The following SATB2 variants were observed in gnomAD, a reference collection of about 807,000 sequenced individuals.
The protein encoded by SATB2 is SATB homeobox 2.
Under a neutral mutation model 73.4 loss-of-function variants are expected in SATB2, and 1 was observed. That is an observed-to-expected ratio of 0.01 (90% confidence interval 0.00 to 0.06). The LOEUF is 0.06. Ranked by LOEUF, SATB2 falls within the 10% of genes least tolerant of loss-of-function variation. The probability of loss-of-function intolerance (pLI) is 1.00; values close to 1 mark genes in which losing one functional copy is unlikely to be tolerated. For synonymous variants in SATB2, 397 were observed against 367.0 expected, an observed-to-expected ratio of 1.08 and a Z score of -0.93; for missense variants, 459 against 945.8, an observed-to-expected ratio of 0.49 and a Z score of 6.75.
intron 2 of SATB2, among the ~76,000 whole-genome samples, chr2:199,436,889 T>C (rs376251847): frequency 6.8e-6 from 1 of 146,922 alleles, no homozygotes; most frequent in Non-Finnish European, 1.5e-5. Context: ...TAACAACTCG[T>C]CCCAGGCAAA....
At position 199,464,683 on chromosome 2, in the gene SATB2, C is replaced by T. The variant is rs946487747; in HGVS notation, c.-141+153G>A. On this transcript the variant is annotated intron_variant, in intron 1 of 11. Transcript: ENST00000260926. The surrounding 1 kb of genome is among the most constrained non-coding windows in gnomAD (Gnocchi z 6.6). Reference sequence around the variant, plus strand: ...GCCAGGCAGCGGGCCGGCTGAGCTCCTGCGCCCCGCGGTCGCGTGGCCTAC... The same window carrying T: ...GCCAGGCAGCGGGCCGGCTGAGCTCTTGCGCCCCGCGGTCGCGTGGCCTAC... Among the ~76,000 whole-genome samples, 2 of 152,186 alleles carry T rather than the reference C, an allele frequency of 1.3e-5. No individual in the cohort carries two copies. The highest frequency in any genetic ancestry group is 4.8e-5 in the African/African-American group (2 of 41,464).
At chr2:199,346,298 C>T (rs1018275948) in intron 7 of SATB2, among the ~76,000 whole-genome samples, 2 of 151,816 alleles carry the variant, frequency 1.3e-5, no homozygotes, top group Non-Finnish European at 2.9e-5. Flanking sequence ...TACAGGCACA[C>T]GCCACCACGC....
intron 5 of SATB2, among the ~76,000 whole-genome samples, chr2:199,379,069 C>T (rs759082155): frequency 6.6e-6 from 1 of 152,146 alleles, no homozygotes; most frequent in African/African-American, 2.4e-5. Context: ...CAGCTCACAC[C>T]AGGAAACAGA....
chr2:199,400,276 G>C (rs1690432133), intron 3 of SATB2, among the ~76,000 whole-genome samples: 1 of 152,162 alleles, frequency 6.6e-6, no homozygotes, highest in Admixed American at 6.5e-5. Flanking sequence ...CTCTAGCACT[G>C]AACTTAGCAC....
At chr2:199,448,147 C>T (rs926113132) in intron 2 of SATB2, among the ~76,000 whole-genome samples, 1 of 152,106 alleles carries the variant, frequency 6.6e-6, no homozygotes, top group East Asian at 1.9e-4. Context: ...TTCAAAAATG[C>T]TATTGCTATT....
At chr2:199,416,343 C>G (rs1459137404) in intron 3 of SATB2, among the ~76,000 whole-genome samples, 1 of 152,156 alleles carries the variant, frequency 6.6e-6, no homozygotes, top group African/African-American at 2.4e-5. Flanking sequence ...GTACACCACA[C>G]AATTTTTGAT....
chr2:199,341,698 C>A (rs182446415), intron 7 of SATB2, among the ~76,000 whole-genome samples: 1 of 152,268 alleles, frequency 6.6e-6, no homozygotes, highest in African/African-American at 2.4e-5. Context: ...CAACATATGG[C>A]TTTTGACTTG....
intron 6 of SATB2, among the ~76,000 whole-genome samples, chr2:199,355,593 C>A (rs1688958545): frequency 6.6e-6 from 1 of 151,852 alleles, no homozygotes; most frequent in African/African-American, 2.4e-5. Context: ...GAAAGAAAAG[C>A]AAACTGAAAT....
intron 10 of SATB2, among the ~76,000 whole-genome samples, chr2:199,295,034 G>C (rs1029450996): frequency 6.6e-6 from 1 of 152,080 alleles, no homozygotes; most frequent in Non-Finnish European, 1.5e-5. Context: ...ACAAATTATG[G>C]ACTCATTATG....
chr2:199,396,148 C>T (rs1169871024), intron 3 of SATB2: 1 of 152,166 alleles, frequency 6.6e-6, no homozygotes, highest in East Asian at 1.9e-4. Flanking sequence ...GCAGATAGGG[C>T]CCAATTTGTC....
chr2:199,350,740 A>C (rs1688790684), intron 6 of SATB2, among the ~76,000 whole-genome samples: 1 of 152,092 alleles, frequency 6.6e-6, no homozygotes, highest in South Asian at 2.1e-4. Flanking sequence ...AAACTCAGTT[A>C]AGCTGGGCAT....
At chr2:199,354,553 T>A (rs999482688) in intron 6 of SATB2, among the ~76,000 whole-genome samples, 7 of 152,102 alleles carry the variant, frequency 4.6e-5, no homozygotes, top group Non-Finnish European at 8.8e-5. Flanking sequence ...TAAGAAACCG[T>A]CAAGGCAAGG....
chr2:199,435,197 GA>G (rs1161578809), intron 2 of SATB2, among the ~76,000 whole-genome samples: 3 of 152,028 alleles, frequency 2.0e-5, no homozygotes, highest in Non-Finnish European at 4.4e-5. Flanking sequence ...TGATTTTTTA[GA>G]CAAAGAAGAA....
intron 3 of SATB2, among the ~76,000 whole-genome samples, chr2:199,430,510 G>C (rs1202537334): frequency 2.0e-5 from 3 of 152,176 alleles, no homozygotes; most frequent in Non-Finnish European, 4.4e-5. Flanking sequence ...GGAAATGGAG[G>C]TTATGGGTCA....
At chr2:199,395,538 A>G (rs1690274619) in intron 3 of SATB2, among the ~76,000 whole-genome samples, 1 of 152,138 alleles carries the variant, frequency 6.6e-6, no homozygotes, top group Non-Finnish European at 1.5e-5. Flanking sequence ...TCATTCATCT[A>G]AGCTAGCCTG....
At chr2:199,326,070 T>G (rs1193085003) in intron 8 of SATB2, 1 of 152,092 alleles carries the variant, frequency 6.6e-6, no homozygotes, top group African/African-American at 2.4e-5. Flanking sequence ...TGCACTAAAT[T>G]GCTGACTCCA....
At chr2:199,388,235 A>G (rs1441124039) in intron 3 of SATB2, among the ~76,000 whole-genome samples, 1 of 152,232 alleles carries the variant, frequency 6.6e-6, no homozygotes, top group Non-Finnish European at 1.5e-5. Context: ...TCCCTCCAAC[A>G]TAAGTCACTA....
intron 9 of SATB2, among the ~76,000 whole-genome samples, chr2:199,311,142 A>G (rs1273541558): frequency 2.6e-5 from 4 of 152,148 alleles, no homozygotes; most frequent in Admixed American, 6.5e-5. Flanking sequence ...ACATAAGCAA[A>G]CCAAATTAAT....
At chr2:199,386,983 A>C (rs1212680852) in intron 3 of SATB2, among the ~76,000 whole-genome samples, 1 of 152,106 alleles carries the variant, frequency 6.6e-6, no homozygotes. Context: ...CGGTACAATA[A>C]ATATTCTTGG....
Sources: gnomAD v4.1 joint callset for allele counts (sites outside exome capture counted in the v4.1 genomes callset) on GRCh38, gnomAD v4.1.1 for gene constraint, Gnocchi (gnomAD v3.1) non-coding constraint, MANE v1.5 for transcripts, NCBI Gene and HGNC (gene_info 2026-07-23, HGNC 2026-07-21) for gene names.